Variants in PHC2 observed in about 807,000 individuals in gnomAD.
PHC2 encodes polyhomeotic homolog 2, also known as polyhomeotic-like protein 2.
In PHC2, 29 loss-of-function variants were observed where a neutral mutation model predicts 87.4. The ratio of observed to expected loss-of-function variants is 0.33; its 90% CI spans 0.25 to 0.45. The LOEUF is 0.45. Ranked by LOEUF, PHC2 falls within the 20% of genes least tolerant of loss-of-function variation. The pLI is 1.00. For missense variants in PHC2, 857 were observed against 1,136.7 expected (o/e 0.75, Z 3.54); for synonymous variants, 438 against 461.7 (o/e 0.95, Z 0.66).
chr1:33,346,984 T>C (rs762714137), intron 9 of PHC2: 1 of 984,822 alleles, frequency 1.0e-6, no homozygotes, highest in Non-Finnish European at 1.2e-6. Flanking sequence ...GTAAGAAGAG[T>C]TCAATTGTGT....
At chr1:33,370,806 C>T (rs1011752256) in intron 4 of PHC2, among the ~76,000 whole-genome samples, 2 of 152,134 alleles carry the variant, frequency 1.3e-5, no homozygotes, top group Admixed American at 1.3e-4. Context: ...ACTGAGCTAT[C>T]CACAGAGAGC....
At position 33,349,172 on chromosome 1, in the gene PHC2, A is replaced by G; in HGVS notation, c.1558+5229T>C. The G allele has an allele frequency of 1.0e-6, 1 of 985,468 alleles. No homozygotes were observed. The highest frequency in any genetic ancestry group is 1.7e-5 in the African/African-American group (1 of 57,372). The allele number at this position is 985,468 out of a possible 1,614,324, so 61.0% of individuals were successfully genotyped here. A position where few individuals can be genotyped will look rare whatever the true frequency, so the allele number is the denominator to read the frequency against. The stretch of plus-strand genomic sequence containing the variant: ...GTGAGACTGAACTAGATTAAAAACA[A>G]AACTCTCCAGCGAAGCCGCAGGCGC... On this transcript the variant is annotated intron_variant, in intron 9 of 14. Transcript: ENST00000683057. The surrounding 1 kb of genome is among the most constrained non-coding windows in gnomAD (Gnocchi z 4.2).
chr1:33,331,402 A>G lies in PHC2; in HGVS notation c.1952T>C (p.Phe651Ser). Residue 651 changes from phenylalanine to serine, a missense_variant, in exon 12 of 15, where the codon TTT becomes TCT. Transcript: ENST00000683057. This position sits in a 1 kb window ranked among gnomAD's most constrained non-coding sequence, Gnocchi z 5.2. Reference sequence around the variant, plus strand: ...CTTGGAACGCTTGAACTTATAGGCAAAGTCCACCCGGCCACAGAGCTCACA... The same window carrying G: ...CTTGGAACGCTTGAACTTATAGGCAGAGTCCACCCGGCCACAGAGCTCACA... ...LKCELCGRVDFAYKFKRSKRF... is the reference protein window; with the variant it reads ...LKCELCGRVDSAYKFKRSKRF... 1 of 1,613,406 alleles carries G rather than the reference A, an allele frequency of 6.2e-7. No individual in the cohort carries two copies. The highest frequency in any genetic ancestry group is 8.5e-7 in the Non-Finnish European group (1 of 1,179,552).
At chr1:33,386,373 G>A (rs568461345) in intron 1 of PHC2, among the ~76,000 whole-genome samples, 14 of 151,556 alleles carry the variant, frequency 9.2e-5, no homozygotes, top group Non-Finnish European at 1.6e-4. Context: ...AAAATTAGCC[G>A]GCCGTGGTAG....
At chr1:33,404,374 C>T (rs1570509763) in intron 1 of PHC2, among the ~76,000 whole-genome samples, 2 of 152,192 alleles carry the variant, frequency 1.3e-5, no homozygotes, top group East Asian at 1.9e-4. Context: ...AAAACCCCCA[C>T]ATCACCTGGT....
At chr1:33,381,670 G>C (rs1389350310) in intron 1 of PHC2, among the ~76,000 whole-genome samples, 1 of 150,872 alleles carries the variant, frequency 6.6e-6, no homozygotes, top group African/African-American at 2.4e-5. Context: ...ACTTCACCTT[G>C]AGCCATTATT....
rs184460781 is a variant in PHC2, at chr1:33,419,123, A to G, written c.-55+11853T>C. Among the ~76,000 whole-genome samples the G allele has an allele frequency of 1.6e-4, 25 of 152,366 alleles. No homozygotes were observed. In the East Asian group the frequency reaches 4.4e-3, roughly 27 times the overall value. On this transcript the variant is annotated intron_variant, in intron 1 of 14. Transcript: ENST00000683057. The stretch of plus-strand genomic sequence containing the variant: ...CTATGAAGAATAAATGAGTAAATAC[A>G]TTTCAAATGCTTACACCAGTGCCTG...
intron 7 of PHC2, among the ~76,000 whole-genome samples, chr1:33,355,851 C>T (rs1037189749): frequency 1.3e-5 from 2 of 152,342 alleles, no homozygotes; most frequent in East Asian, 3.8e-4. Flanking sequence ...TGGGCCTCAG[C>T]TTCCCAATCT....
At chr1:33,343,902 T>G (rs1646795374) in intron 9 of PHC2, among the ~76,000 whole-genome samples, 1 of 152,176 alleles carries the variant, frequency 6.6e-6, no homozygotes, top group Non-Finnish European at 1.5e-5. Context: ...CAGAAATGCT[T>G]CTGTCCTAAA....
At chr1:33,392,291 C>T (rs1350776741) in intron 1 of PHC2, among the ~76,000 whole-genome samples, 8 of 152,304 alleles carry the variant, frequency 5.3e-5, no homozygotes, top group African/African-American at 7.2e-5. Flanking sequence ...TAAACACTGG[C>T]GGAGTCATAA....
intron 1 of PHC2, among the ~76,000 whole-genome samples, chr1:33,427,268 C>T (rs1366987741): frequency 2.0e-5 from 3 of 152,188 alleles, no homozygotes; most frequent in Admixed American, 2.0e-4. Flanking sequence ...CAATAAACGA[C>T]AGCTACACTA....
chr1:33,329,250 A>C, intron 13 of PHC2, 104 bp from the exon 14 acceptor site: 1 of 1,185,650 alleles, frequency 8.4e-7, no homozygotes, highest in Non-Finnish European at 1.2e-6. Context: ...CTACTACTAC[A>C]CATCTGAGTT....
chr1:33,407,103 A>G (rs1286511614), intron 1 of PHC2, among the ~76,000 whole-genome samples: 1 of 152,162 alleles, frequency 6.6e-6, no homozygotes, highest in Non-Finnish European at 1.5e-5. Flanking sequence ...TCACTTTTGT[A>G]AGTTCTATTT....
At chr1:33,362,157 A>C (rs1013864632) in intron 7 of PHC2, among the ~76,000 whole-genome samples, 10 of 152,236 alleles carry the variant, frequency 6.6e-5, no homozygotes, top group African/African-American at 2.4e-4. Context: ...AAATGGTGAT[A>C]CATAGCACAT....
Position 33,368,550 on chromosome 1 carries a change from G to A in PHC2, c.649C>T (p.Pro217Ser). 6.5e-7 allele frequency: 1 copy of A among 1,538,428 alleles called. No homozygotes were observed. The highest frequency in any genetic ancestry group is 8.8e-7 in the Non-Finnish European group (1 of 1,138,782). Residue 217 changes from proline to serine, a missense_variant, in exon 6 of 15, where the codon CCC (proline) becomes TCC (serine). Around this residue, in one of 3 missense-constraint regions of PHC2, gnomAD observed 832 missense variants for 1,081.8 expected, o/e 0.77. Transcript: ENST00000683057. This position sits in a 1 kb window ranked among gnomAD's most constrained non-coding sequence, Gnocchi z 6.6. ...ELGTGSPARP[P>S]TPAQVQNLTL... ...GGAGTCCTCACCTGGGCGGGGGTGG[G>A]GGGCCGGGCGGGGGAGCCAGTGCCG...
chr1:33,367,252 C>T lies in PHC2; in HGVS notation c.840G>A (p.Lys280=). The part of the protein sequence containing the change: ...NTAQASPAGA[K]PGIADSVMEP... ...CCATCACACTGTCAGCTATGCCAGG[C>T]TTGGCACCTGCAGGGGAAGCCTGAG... Residue 280 remains lysine (K), a synonymous_variant, in exon 7 of 15, where the codon AAG becomes AAA. Coordinates refer to ENST00000683057, the MANE Select transcript of PHC2 (RefSeq NM_001385109.1). The T allele has an allele frequency of 1.2e-6, 2 of 1,614,190 alleles. No individual in the cohort carries two copies. The highest frequency in any genetic ancestry group is 1.7e-6 in the Non-Finnish European group (2 of 1,180,028).
chr1:33,356,983 C>A (rs1210441879), intron 7 of PHC2, among the ~76,000 whole-genome samples: 1 of 152,238 alleles, frequency 6.6e-6, no homozygotes, highest in Non-Finnish European at 1.5e-5. Context: ...CCTTCAGTGT[C>A]TAGCTCATGC....
intron 1 of PHC2, among the ~76,000 whole-genome samples, chr1:33,404,778 T>C (rs1649684148): frequency 6.6e-6 from 1 of 152,186 alleles, no homozygotes; most frequent in African/African-American, 2.4e-5. Context: ...ATGAGCTAAT[T>C]AAGGAATTAA....
chr1:33,409,619 A>AC (rs1302085998), intron 1 of PHC2, among the ~76,000 whole-genome samples: 1 of 152,208 alleles, frequency 6.6e-6, no homozygotes, highest in African/African-American at 2.4e-5. Flanking sequence ...CTAATAGGCC[A>AC]CCTCAGACCA....
Sources: allele counts gnomAD v4.1 joint callset (sites outside exome capture counted in the v4.1 genomes callset), GRCh38; gene constraint gnomAD v4.1.1; regional missense constraint gnomAD v4.1.1; non-coding constraint Gnocchi (gnomAD v3.1); transcripts MANE v1.5; gene names NCBI Gene and HGNC (gene_info 2026-07-23, HGNC 2026-07-21).